PACS1: variants seen among roughly 807,000 people sequenced by gnomAD.
PACS1 encodes the protein phosphofurin acidic cluster sorting protein 1, also known as PACS-1.
A neutral mutation model predicts 115.0 loss-of-function variants in PACS1; 24 were observed. That is an observed-to-expected ratio of 0.21 (90% CI 0.15 to 0.29). The LOEUF (loss-of-function observed/expected upper bound fraction) is 0.29. Among genes scored for constraint, PACS1 ranks in the 10% least tolerant of loss-of-function variants. The pLI is 1.00. For synonymous variants in PACS1, 453 were observed against 504.5 expected, an observed-to-expected ratio of 0.90 and a Z score of 1.37; for missense variants, 838 against 1,251.2, an observed-to-expected ratio of 0.67 and a Z score of 4.98.
intron 1 of PACS1, among the ~76,000 whole-genome samples, chr11:66,130,193 A>G (rs1858669490): frequency 6.6e-6 from 1 of 152,174 alleles, no homozygotes; most frequent in African/African-American, 2.4e-5. Context: ...CAGCAGCATG[A>G]CAAATGCCAT....
intron 1 of PACS1, among the ~76,000 whole-genome samples, chr11:66,127,492 G>T (rs1285700275): frequency 1.3e-5 from 2 of 152,204 alleles, no homozygotes; most frequent in African/African-American, 4.8e-5. Flanking sequence ...CTGTGTGCAG[G>T]GTGCTCATGG....
At chr11:66,142,652 ATAATT>A (rs1045827075) in intron 1 of PACS1, among the ~76,000 whole-genome samples, 36 of 151,278 alleles carry the variant, frequency 2.4e-4, no homozygotes, top group African/African-American at 8.0e-4. Context: ...GAGGAAGGAG[ATAATT>A]ACGTTGAAAC....
intron 1 of PACS1, among the ~76,000 whole-genome samples, chr11:66,130,643 T>G (rs1858677774): frequency 6.6e-6 from 1 of 152,160 alleles, no homozygotes; most frequent in Non-Finnish European, 1.5e-5. Context: ...TAAAACTATG[T>G]TTTTCAGTTC....
At chr11:66,109,087 A>C (rs1038522587) in intron 1 of PACS1, among the ~76,000 whole-genome samples, 2 of 152,226 alleles carry the variant, frequency 1.3e-5, no homozygotes, top group African/African-American at 4.8e-5. Flanking sequence ...TCACACAGAC[A>C]CTATGGCCTT....
chr11:66,128,360 A>C (rs774267231), intron 1 of PACS1, among the ~76,000 whole-genome samples: 2 of 152,248 alleles, frequency 1.3e-5, no homozygotes, highest in Non-Finnish European at 2.9e-5. Flanking sequence ...ACATTTTAAA[A>C]GAATATCCTT....
Position 66,227,562 on chromosome 11 carries a change from G to T in PACS1, c.1352G>T (p.Ser451Ile). The change falls in exon 11 of 24, where the codon AGC (serine) becomes ATC (isoleucine). Residue 451 changes from serine to isoleucine, a missense_variant. By Grantham distance (142) the Ser-to-Ile change is moderately radical. Around this residue, in one of 6 missense-constraint regions of PACS1, gnomAD observed 383 missense variants for 537.0 expected, o/e 0.71. Coordinates refer to ENST00000320580, the MANE Select transcript of PACS1 (RefSeq NM_018026.4). ...ACTTGGATTAAAAACCAAGATGACA[G>T]CTTGACTGAAACAGACACTCTGGTA... ...KSTWIKNQDD[S>I]LTETDTLEIT... 1.2e-6 allele frequency: 2 copies of T among 1,610,794 alleles called. No homozygotes were observed. The highest frequency in any genetic ancestry group is 2.2e-5 in the South Asian group (2 of 90,778).
rs1281592004 is a variant in PACS1, at chr11:66,193,556, A to G, written c.427A>G (p.Ile143Val). Reference sequence around the variant, plus strand: ...GGACAAAGATCTTAACTCAGTGGTCATCGCTGTGAAGCTGCAGGTGAGTGG... The same window carrying G: ...GGACAAAGATCTTAACTCAGTGGTCGTCGCTGTGAAGCTGCAGGTGAGTGG... ...EMDKDLNSVV[I>V]AVKLQGSKRI... The change falls in exon 2 of 24, where the codon ATC becomes GTC. Residue 143 changes from isoleucine (I) to valine (V), a missense_variant. Physicochemically the swap from Ile to Val is conservative, Grantham distance 29 (BLOSUM62 3). Around this residue, in one of 6 missense-constraint regions of PACS1, gnomAD observed 223 missense variants for 354.0 expected, o/e 0.63. Transcript: ENST00000320580. 1 of 1,613,404 alleles carries G rather than the reference A, an allele frequency of 6.2e-7. No homozygotes were observed. The highest frequency in any genetic ancestry group is 1.7e-5 in the Admixed American group (1 of 60,018).
At chr11:66,170,535 T>C (rs1455838431) in intron 1 of PACS1, among the ~76,000 whole-genome samples, 2 of 150,480 alleles carry the variant, frequency 1.3e-5, no homozygotes, top group Non-Finnish European at 2.9e-5. Context: ...GTTGTTTTTA[T>C]ACTTTCAAAT....
intron 1 of PACS1, among the ~76,000 whole-genome samples, chr11:66,116,317 G>A (rs1858305670): frequency 6.6e-6 from 1 of 152,190 alleles, no homozygotes; most frequent in South Asian, 2.1e-4. Flanking sequence ...TCAGTCGTTA[G>A]ATATTAGGTC....
chr11:66,098,570 A>G (rs1014058186), intron 1 of PACS1, among the ~76,000 whole-genome samples: 1 of 152,076 alleles, frequency 6.6e-6, no homozygotes, highest in Non-Finnish European at 1.5e-5. Context: ...ACCACTACAT[A>G]CTCCTTTAAG....
At chr11:66,208,442 A>G (rs1854994375) in intron 2 of PACS1, among the ~76,000 whole-genome samples, 2 of 152,098 alleles carry the variant, frequency 1.3e-5, no homozygotes, top group African/African-American at 4.8e-5. Context: ...ATGTAGCGAT[A>G]CCCCATCTCT....
chr11:66,175,779 T>C (rs1053799911), intron 1 of PACS1, among the ~76,000 whole-genome samples: 3 of 152,218 alleles, frequency 2.0e-5, no homozygotes, highest in Non-Finnish European at 4.4e-5. Flanking sequence ...CAATCACATA[T>C]ACTGATCATT....
At chr11:66,166,002 C>T (rs1859591580) in intron 1 of PACS1, among the ~76,000 whole-genome samples, 1 of 152,182 alleles carries the variant, frequency 6.6e-6, no homozygotes, top group African/African-American at 2.4e-5. Context: ...CCATTATTCA[C>T]CTAGCAGCAG....
At chr11:66,158,188 C>G (rs561152565) in intron 1 of PACS1, among the ~76,000 whole-genome samples, 1 of 152,202 alleles carries the variant, frequency 6.6e-6, no homozygotes, top group African/African-American at 2.4e-5. Flanking sequence ...AGACTAGTCT[C>G]GAGCTCCTGA....
At chr11:66,174,770 A>T (rs1371699973) in intron 1 of PACS1, among the ~76,000 whole-genome samples, 1 of 152,218 alleles carries the variant, frequency 6.6e-6, no homozygotes, top group Non-Finnish European at 1.5e-5. Flanking sequence ...TCGTATTTTG[A>T]TGATGAAAAT....
chr11:66,174,578 A>G (rs1242738833), intron 1 of PACS1, among the ~76,000 whole-genome samples: 1 of 152,254 alleles, frequency 6.6e-6, no homozygotes, highest in African/African-American at 2.4e-5. Flanking sequence ...AAAATGAATA[A>G]AATACTGATG....
chr11:66,211,004 C>T, intron 3 of PACS1, 130 bp from the exon 4 acceptor site: 3 of 1,079,838 alleles, frequency 2.8e-6, no homozygotes, highest in Non-Finnish European at 4.1e-6. Flanking sequence ...TCATGGCTCT[C>T]CTTTCAACCC....
intron 1 of PACS1, among the ~76,000 whole-genome samples, chr11:66,130,273 C>T (rs1037443659): frequency 1.9e-4 from 29 of 152,284 alleles, no homozygotes; most frequent in African/African-American, 5.8e-4. Flanking sequence ...CCTCCCTCCC[C>T]TCTAGCCCCC....
rs866661410 is a variant in PACS1 at position 66,221,282 on chromosome 11, C to A, written c.1293+35C>A. The A allele has an allele frequency of 8.3e-6, 13 of 1,570,920 alleles. No individual in the cohort carries two copies. The Middle Eastern group carries it at 1.1e-3, about 127-fold the overall frequency. On this transcript the variant is annotated intron_variant, in intron 10 of 23. Transcript: ENST00000320580. ...ACCGCGACTGCGGGGCGGGGTGGGA[C>A]CGTGGCATGTCAGGGCTCGACGCTC...
Sources: gnomAD v4.1 joint callset for allele counts (sites outside exome capture counted in the v4.1 genomes callset) on GRCh38, gnomAD v4.1.1 for gene constraint, gnomAD v4.1.1 regional missense constraint, MANE v1.5 for transcripts, NCBI Gene and HGNC (gene_info 2026-07-23, HGNC 2026-07-21) for gene names.